The following TRAPPC9 variants were observed in gnomAD, a reference collection of about 807,000 sequenced individuals.
TRAPPC9 encodes IKK2 binding protein.
TRAPPC9 carries 83 observed loss-of-function variants against 124.0 expected under a neutral mutation model. That is an observed-to-expected ratio of 0.67 (90% CI 0.56 to 0.80). TRAPPC9 has a LOEUF of 0.80. Ranked by LOEUF, TRAPPC9 falls within the 30% of genes least tolerant of loss-of-function variation. TRAPPC9 has a pLI of 0.00. For synonymous variants in TRAPPC9, 638 were observed against 617.5 expected, an observed-to-expected ratio of 1.03 and a Z score of -0.49; for missense variants, 1,302 against 1,508.3, an observed-to-expected ratio of 0.86 and a Z score of 2.27.
chr8:140,432,755 C>A (rs1248036599), intron 4 of TRAPPC9, among the ~76,000 whole-genome samples: 4 of 152,122 alleles, frequency 2.6e-5, no homozygotes, highest in East Asian at 1.9e-4. Flanking sequence ...GCCTGTAGTC[C>A]CAGCTACTCG....
chr8:140,415,794 C>G (rs2069907704), intron 5 of TRAPPC9, among the ~76,000 whole-genome samples: 1 of 151,934 alleles, frequency 6.6e-6, no homozygotes, highest in Admixed American at 6.6e-5. Flanking sequence ...CATAGAGAGA[C>G]CCCATCTCTA....
chr8:140,083,670 T>C (rs1030392010), intron 17 of TRAPPC9, among the ~76,000 whole-genome samples: 1 of 82,198 alleles, frequency 1.2e-5, no homozygotes, highest in African/African-American at 5.1e-5. Context: ...GTTTTTGTTT[T>C]TGTTTTTGTT....
At chr8:139,940,048 A>G (rs1376739352) in intron 19 of TRAPPC9, among the ~76,000 whole-genome samples, 1 of 152,240 alleles carries the variant, frequency 6.6e-6, no homozygotes, top group Non-Finnish European at 1.5e-5. Context: ...AGGCAGCCCA[A>G]ATATACCTGC....
chr8:139,782,430 T>C (rs1354260747), intron 21 of TRAPPC9, among the ~76,000 whole-genome samples: 1 of 152,246 alleles, frequency 6.6e-6, no homozygotes, highest in African/African-American at 2.4e-5. Flanking sequence ...GAAGGTTATA[T>C]TGGCTATATT....
chr8:139,878,802 A>G (rs948157182), intron 21 of TRAPPC9, among the ~76,000 whole-genome samples: 1 of 152,198 alleles, frequency 6.6e-6, no homozygotes, highest in African/African-American at 2.4e-5. Flanking sequence ...CCATCTCTAC[A>G]AAAATTAACA....
intron 17 of TRAPPC9, among the ~76,000 whole-genome samples, chr8:140,117,237 T>G (rs747570275): frequency 3.3e-5 from 5 of 152,164 alleles, no homozygotes; most frequent in Non-Finnish European, 7.3e-5. Context: ...AGGATAAAAA[T>G]GAGATGATAC....
intron 19 of TRAPPC9, among the ~76,000 whole-genome samples, chr8:139,917,300 C>T (rs1832215082): frequency 1.3e-5 from 2 of 151,042 alleles, no homozygotes; most frequent in African/African-American, 4.9e-5. Context: ...CCTGCCTCAG[C>T]CTCCCAAGTA....
intron 17 of TRAPPC9, among the ~76,000 whole-genome samples, chr8:140,089,530 G>A (rs1844425959): frequency 6.6e-6 from 1 of 152,160 alleles, no homozygotes; most frequent in South Asian, 2.1e-4. Context: ...AATGGGCTTG[G>A]ATACCATCTT....
At chr8:139,779,368 C>A (rs1406902892) in intron 21 of TRAPPC9, among the ~76,000 whole-genome samples, 1 of 152,048 alleles carries the variant, frequency 6.6e-6, no homozygotes, top group Non-Finnish European at 1.5e-5. Context: ...TAAACAAAGT[C>A]TTTTAAGCAT....
chr8:140,037,573 CCACACACACACATA>C (rs1418082390), intron 17 of TRAPPC9, among the ~76,000 whole-genome samples: 1 of 151,396 alleles, frequency 6.6e-6, no homozygotes, highest in African/African-American at 2.4e-5. Context: ...CAAACACATA[CCACACACACACATA>C]CACACACACA....
chr8:140,357,180 C>G (rs1363426717), intron 9 of TRAPPC9, among the ~76,000 whole-genome samples: 1 of 152,106 alleles, frequency 6.6e-6, no homozygotes, highest in African/African-American at 2.4e-5. Context: ...AGTCCCTGGT[C>G]TAGCTAGGGA....
intron 21 of TRAPPC9, among the ~76,000 whole-genome samples, chr8:139,846,234 T>G (rs981262486): frequency 2.0e-5 from 3 of 152,232 alleles, no homozygotes; most frequent in African/African-American, 7.2e-5. Flanking sequence ...CCTGCGCTCA[T>G]GGCTCCCCAC....
chr8:140,390,135 C>T (rs371319091), intron 7 of TRAPPC9, among the ~76,000 whole-genome samples: 56 of 152,150 alleles, frequency 3.7e-4, no homozygotes, highest in African/African-American at 1.3e-3. Context: ...GAAACCCCAT[C>T]TGTACTAAAA....
chr8:140,193,664 G>A (rs1021931580), intron 17 of TRAPPC9, among the ~76,000 whole-genome samples: 1 of 144,922 alleles, frequency 6.9e-6, no homozygotes, highest in East Asian at 2.0e-4. Context: ...TGGTAATTGT[G>A]CCTACTGCTA....
At chr8:140,019,121 A>G (rs760016013) in intron 18 of TRAPPC9, among the ~76,000 whole-genome samples, 1 of 152,244 alleles carries the variant, frequency 6.6e-6, no homozygotes, top group Non-Finnish European at 1.5e-5. Context: ...CTGATCTTTC[A>G]ATGGTAAAAC....
At chr8:140,228,761 C>T (rs576369062) in intron 16 of TRAPPC9, among the ~76,000 whole-genome samples, 2 of 152,306 alleles carry the variant, frequency 1.3e-5, no homozygotes, top group South Asian at 2.1e-4. Context: ...CCTGTGGATA[C>T]ACTAAAAGTG....
chr8:140,021,165 C>T lies in TRAPPC9; in HGVS notation c.2699+2772G>A, dbSNP rs113227898. 7.0e-3 allele frequency among the ~76,000 whole-genome samples: 1,062 copies of T among 152,208 alleles called. 8 individuals are homozygous for T. Among genetic ancestry groups the T allele is most frequent in the Non-Finnish European group, 0.011 (773 of 67,994 alleles). Reference sequence around the variant, plus strand: ...GCCATCTGTTTCCTATTTGACTGTACGTTCCTTGTTCTTTTCTCCTTCTTT... The same window carrying T: ...GCCATCTGTTTCCTATTTGACTGTATGTTCCTTGTTCTTTTCTCCTTCTTT... On this transcript the variant is annotated intron_variant, in intron 18 of 22. Transcript: ENST00000438773.
chr8:139,975,335 T>G (rs1587386886), intron 19 of TRAPPC9, among the ~76,000 whole-genome samples: 1 of 152,164 alleles, frequency 6.6e-6, no homozygotes, highest in Non-Finnish European at 1.5e-5. Context: ...CTGGAGGGCC[T>G]CTTAAACTAC....
At chr8:140,009,816 TC>T (rs1477849881) in intron 18 of TRAPPC9, among the ~76,000 whole-genome samples, 1 of 152,228 alleles carries the variant, frequency 6.6e-6, no homozygotes, top group Non-Finnish European at 1.5e-5. Flanking sequence ...CCTATCCTTC[TC>T]CATTCAAATA....
Sources: allele counts gnomAD v4.1 joint callset (sites outside exome capture counted in the v4.1 genomes callset), GRCh38; gene constraint gnomAD v4.1.1; transcripts MANE v1.5; gene names NCBI Gene and HGNC (gene_info 2026-07-23, HGNC 2026-07-21).